The following NSFL1C variants were observed in gnomAD, a reference collection of about 807,000 sequenced individuals.
NSFL1C encodes the protein NSFL1 cofactor.
In NSFL1C, 14 loss-of-function variants were observed where a neutral mutation model predicts 43.1. That is an observed-to-expected ratio of 0.32 (90% CI 0.21 to 0.51). The LOEUF is 0.51. Among genes scored for constraint, NSFL1C ranks in the 20% least tolerant of loss-of-function variants. The probability of loss-of-function intolerance (pLI) is 0.98; values close to 1 mark genes in which losing one functional copy is unlikely to be tolerated. For missense variants in NSFL1C, 406 were observed against 472.5 expected, an observed-to-expected ratio of 0.86 and a Z score of 1.30; for synonymous variants, 171 against 183.5, an observed-to-expected ratio of 0.93 and a Z score of 0.55.
At chr20:1,452,430 G>C (rs2090200384) in intron 7 of NSFL1C, 63 bp downstream of exon 7, 1 of 1,583,726 alleles carries the variant, frequency 6.3e-7, no homozygotes. Flanking sequence ...GTGATACACA[G>C]GGTCTGCTGG....
chr20:1,453,858 TTGGTGTTAAGTCTTCTC>T (rs1467902553), intron 5 of NSFL1C, among the ~76,000 whole-genome samples: 151 of 151,910 alleles, frequency 9.9e-4, no homozygotes, highest in African/African-American at 3.5e-3. Flanking sequence ...AAAAGAAAAA[TTGGTGTTAAGTCTTCTC>T]TGGTGGTCTG....
chr20:1,459,552 G>C (rs1019159079), intron 2 of NSFL1C, among the ~76,000 whole-genome samples: 1 of 152,200 alleles, frequency 6.6e-6, no homozygotes, highest in Admixed American at 6.5e-5. Flanking sequence ...TTAATGAGCT[G>C]TTTACTAGGA....
At position 1,454,207 on chromosome 20, in the gene NSFL1C, A is replaced by G. The variant is rs1568621526; in HGVS notation, c.537+6T>C. 1.9e-6 allele frequency: 3 copies of G among 1,609,384 alleles called. No individual in the cohort carries two copies. Among genetic ancestry groups the G allele is most frequent in the Non-Finnish European group, 2.6e-6 (3 of 1,176,244 alleles). ...GCTTCCCTCATGGGAAGGTGGATGC[A>G]CTCACATCTTGGCTGGAATGCTGCC... is the stretch of plus-strand genomic sequence containing the variant. On this transcript the variant is annotated splice_donor_region_variant and intron_variant, in intron 5 of 8. Transcript: ENST00000216879.
chr20:1,452,516 A>G lies in NSFL1C; in HGVS notation c.762T>C (p.Thr254=), dbSNP rs367823315. The G allele has an allele frequency of 3.2e-5, 52 of 1,614,080 alleles. No individual in the cohort carries two copies. The highest frequency in any genetic ancestry group is 4.0e-5 in the Non-Finnish European group (47 of 1,180,040). Residue 254 remains threonine, a synonymous_variant, in exon 7 of 9, where the codon ACT becomes ACC. Transcript: ENST00000216879. The part of the protein sequence containing the change: ...VKPKGAFKAF[T]GEGQKLGSTA... ...ACCTGCCCAGTTTCTGACCCTCGCCAGTGAAGGCTTTGAAGGCTCCTTTGG... is the reference window on the plus strand; with the variant it reads ...ACCTGCCCAGTTTCTGACCCTCGCCGGTGAAGGCTTTGAAGGCTCCTTTGG...
Position 1,466,768 on chromosome 20 carries a change from C to T in NSFL1C, c.57G>A (p.Glu19=), listed in dbSNP as rs779827693. Residue 19 remains glutamate (E), a synonymous_variant, in exon 1 of 9, where the codon GAG becomes GAA. Transcript: ENST00000216879. ...LREFVAVTGA[E]EDRARFFLES... The stretch of plus-strand genomic sequence containing the variant: ...CGAGAAAGAAGCGGGCCCGGTCCTC[C>T]TCGGCGCCCGTCACCGCCACGAACT... 6.4e-7 allele frequency: 1 copy of T among 1,562,798 alleles called. No individual in the cohort carries two copies. Among genetic ancestry groups the T allele is most frequent in the African/African-American group, 1.4e-5 (1 of 72,194 alleles).
chr20:1,455,718 T>C (rs755527756), intron 3 of NSFL1C: 2 of 779,684 alleles, frequency 2.6e-6, no homozygotes, highest in Admixed American at 3.4e-5. Context: ...ACCTACCTGC[T>C]CCTTAAGTCA....
At chr20:1,457,951 C>T (rs942345129) in intron 3 of NSFL1C, 2 of 389,042 alleles carry the variant, frequency 5.1e-6, no homozygotes, top group Non-Finnish European at 4.7e-6. Flanking sequence ...AAAAGTGGGA[C>T]TGCTAGATCT....
intron 3 of NSFL1C, chr20:1,455,777 A>G (rs2090286215): frequency 1.3e-6 from 1 of 778,430 alleles, no homozygotes; most frequent in Non-Finnish European, 2.4e-6. Context: ...ACAAGCACAG[A>G]GTAATGCACA....
chr20:1,455,867 G>GC (rs35580851), intron 3 of NSFL1C: 2 of 706,066 alleles, frequency 2.8e-6, no homozygotes, highest in Non-Finnish European at 5.3e-6. Flanking sequence ...ACACACTGTG[G>GC]CCCCTGAGGA....
At chr20:1,456,413 G>C (rs1334636010) in intron 3 of NSFL1C, 1 of 152,274 alleles carries the variant, frequency 6.6e-6, no homozygotes, top group East Asian at 1.9e-4. Flanking sequence ...AAGGTTTTGA[G>C]TCGGTGTGAA....
intron 7 of NSFL1C, among the ~76,000 whole-genome samples, chr20:1,452,167 T>C (rs982657860): frequency 6.6e-6 from 1 of 152,222 alleles, no homozygotes; most frequent in East Asian, 1.9e-4. Flanking sequence ...CTGCTCACTA[T>C]GGAACAGTGT....
At chr20:1,451,752 C>T (rs967802059) in intron 7 of NSFL1C, among the ~76,000 whole-genome samples, 4 of 152,154 alleles carry the variant, frequency 2.6e-5, no homozygotes, top group Non-Finnish European at 4.4e-5. Context: ...ATGAGGGATA[C>T]CAGTGACTAT....
At chr20:1,449,123 G>T (rs368603490) in intron 7 of NSFL1C, among the ~76,000 whole-genome samples, 2 of 152,190 alleles carry the variant, frequency 1.3e-5, no homozygotes, top group Admixed American at 1.3e-4. Context: ...CAGCAATATG[G>T]ATCTCACCAA....
intron 7 of NSFL1C, among the ~76,000 whole-genome samples, chr20:1,451,688 C>T (rs940786612): frequency 6.6e-6 from 1 of 152,216 alleles, no homozygotes; most frequent in Non-Finnish European, 1.5e-5. Context: ...TAAGTGGATC[C>T]TGAGAGAAGG....
chr20:1,466,669 C>G (rs755127809), intron 1 of NSFL1C, 51 bp downstream of exon 1: 2 of 1,495,718 alleles, frequency 1.3e-6, no homozygotes, highest in Non-Finnish European at 1.8e-6. Context: ...ACCAGGCGCC[C>G]GCTCCCAGCA....
At position 1,443,526 on chromosome 20, in the gene NSFL1C, T is replaced by C; in HGVS notation, c.*223A>G. 1 of 432,376 alleles carries C rather than the reference T, an allele frequency of 2.3e-6. No homozygotes were observed. Among genetic ancestry groups the C allele is most frequent in the South Asian group, 5.8e-5 (1 of 17,186 alleles). The allele number at this position is 432,376 out of a possible 1,614,324, so 26.8% of individuals were successfully genotyped here. A position where few individuals can be genotyped will look rare whatever the true frequency, so the allele number is the denominator to read the frequency against. ...ATTCCTTCAATTTTTTTGGTTGTTT[T>C]TATTTTTTTTTTCATTAAAGTCCAT... On this transcript the variant is annotated 3_prime_UTR_variant, in exon 9 of 9. Coordinates refer to ENST00000216879, the MANE Select transcript of NSFL1C (RefSeq NM_016143.5).
chr20:1,453,793 G>T (rs1269678379), intron 5 of NSFL1C, among the ~76,000 whole-genome samples: 1 of 151,954 alleles, frequency 6.6e-6, no homozygotes. Context: ...TGGGGAAGGA[G>T]ACCCTATGCA....
intron 7 of NSFL1C, among the ~76,000 whole-genome samples, chr20:1,451,452 G>A (rs933824746): frequency 6.6e-6 from 1 of 152,228 alleles, no homozygotes; most frequent in African/African-American, 2.4e-5. Context: ...GTCTCATTGT[G>A]CAGGAGTGCA....
Position 1,455,864 on chromosome 20 carries a change from G to A in NSFL1C, c.279-732C>T, listed in dbSNP as rs764604770. Reference sequence around the variant, plus strand: ...CCTTGCCATTCATGTGACACACACTGTGGCCCCTGAGGAAAGGGTACTGGA... The same window carrying A: ...CCTTGCCATTCATGTGACACACACTATGGCCCCTGAGGAAAGGGTACTGGA... On this transcript the variant is annotated intron_variant, in intron 3 of 8. Transcript: ENST00000216879. 4.1e-5 allele frequency: 29 copies of A among 711,800 alleles called. 1 individual carries two copies. The highest frequency in any genetic ancestry group is 3.8e-4 in the South Asian group (26 of 67,668). The allele number at this position is 711,800 out of a possible 1,614,324, so 44.1% of individuals were successfully genotyped here.
Sources: allele counts gnomAD v4.1 joint callset (sites outside exome capture counted in the v4.1 genomes callset), GRCh38; gene constraint gnomAD v4.1.1; transcripts MANE v1.5; gene names NCBI Gene and HGNC (gene_info 2026-07-23, HGNC 2026-07-21).